The following SND1 variants were observed in gnomAD, a reference collection of about 807,000 sequenced individuals.
SND1 encodes the protein staphylococcal nuclease and tudor domain containing 1, also known as staphylococcal nuclease domain-containing protein 1.
A neutral mutation model predicts 121.7 loss-of-function variants in SND1; 38 were observed. The observed-to-expected ratio is 0.31, with a 90% CI of 0.24 to 0.41. The LOEUF (loss-of-function observed/expected upper bound fraction) is 0.41, where lower values mean the gene tolerates loss of function less well. Ranked by LOEUF, SND1 falls within the 10% of genes least tolerant of loss-of-function variation. The pLI is 1.00. For synonymous variants in SND1, 401 were observed against 447.4 expected (o/e 0.90, Z 1.31); for missense variants, 868 against 1,184.6 (o/e 0.73, Z 3.92).
intron 16 of SND1, among the ~76,000 whole-genome samples, chr7:128,063,077 G>C (rs1442407292): frequency 2.0e-5 from 3 of 152,130 alleles, no homozygotes; most frequent in Non-Finnish European, 2.9e-5. Context: ...GGCATCTGTG[G>C]CCTCACCCCA....
At chr7:128,008,193 A>T (rs1297261826) in intron 16 of SND1, 2 of 152,234 alleles carry the variant, frequency 1.3e-5, no homozygotes, top group Admixed American at 1.3e-4. Context: ...TGAGAAAAGG[A>T]TGGGAGCCTA....
intron 16 of SND1, among the ~76,000 whole-genome samples, chr7:128,033,709 C>T (rs974408982): frequency 6.6e-6 from 1 of 152,188 alleles, no homozygotes; most frequent in African/African-American, 2.4e-5. Flanking sequence ...GTTTATTGAA[C>T]CCTTACTCTG....
chr7:127,946,230 G>C (rs902158913), intron 15 of SND1, among the ~76,000 whole-genome samples: 1 of 152,176 alleles, frequency 6.6e-6, no homozygotes, highest in Admixed American at 6.5e-5. Context: ...TCTAAGATGA[G>C]AGCATGGCTA....
intron 7 of SND1, 72 bp downstream of exon 7, chr7:127,703,395 C>A: frequency 6.6e-7 from 1 of 1,522,988 alleles, no homozygotes; most frequent in Non-Finnish European, 9.0e-7. Context: ...TAGGGGTTTG[C>A]TTCTCTTTCT....
chr7:127,955,879 A>G (rs769291640), intron 15 of SND1, among the ~76,000 whole-genome samples: 1 of 152,174 alleles, frequency 6.6e-6, no homozygotes, highest in Non-Finnish European at 1.5e-5. Context: ...CATGGCCTTC[A>G]TGATCTATAC....
At chr7:127,797,606 A>C (rs1215962895) in intron 10 of SND1, among the ~76,000 whole-genome samples, 1 of 152,218 alleles carries the variant, frequency 6.6e-6, no homozygotes, top group Non-Finnish European at 1.5e-5. Context: ...TGCACAGGGA[A>C]AGGAAGATGG....
intron 15 of SND1, among the ~76,000 whole-genome samples, chr7:127,985,702 T>G (rs1802372000): frequency 6.6e-6 from 1 of 152,224 alleles, no homozygotes; most frequent in African/African-American, 2.4e-5. Flanking sequence ...CATCATTGAA[T>G]CCTCATCTTC....
intron 16 of SND1, among the ~76,000 whole-genome samples, chr7:128,049,262 C>T (rs966380435): frequency 6.6e-6 from 1 of 152,112 alleles, no homozygotes; most frequent in Non-Finnish European, 1.5e-5. Context: ...GGACTTGATC[C>T]ACTCTGTCAA....
At chr7:127,916,652 A>C (rs1800586548) in intron 14 of SND1, among the ~76,000 whole-genome samples, 1 of 152,194 alleles carries the variant, frequency 6.6e-6, no homozygotes, top group Non-Finnish European at 1.5e-5. Context: ...TGTCGGAGAT[A>C]AATCAGGTGA....
At chr7:127,733,773 G>A (rs909468753) in intron 10 of SND1, among the ~76,000 whole-genome samples, 2 of 152,076 alleles carry the variant, frequency 1.3e-5, no homozygotes, top group Admixed American at 6.5e-5. Flanking sequence ...TGTATTTGGG[G>A]CCTGCCACTG....
chr7:127,891,409 C>A (rs1800006701), intron 13 of SND1, among the ~76,000 whole-genome samples: 1 of 152,064 alleles, frequency 6.6e-6, no homozygotes, highest in South Asian at 2.1e-4. Flanking sequence ...GTTTGAAGCA[C>A]CTCGTTCTCC....
At chr7:127,808,819 A>G (rs777491118) in intron 11 of SND1, among the ~76,000 whole-genome samples, 15 of 152,312 alleles carry the variant, frequency 9.8e-5, no homozygotes, top group Non-Finnish European at 1.3e-4. Context: ...TGACATCTCT[A>G]TTACACCAAG....
chr7:128,042,357 C>T (rs1285992345), intron 16 of SND1: 1 of 152,230 alleles, frequency 6.6e-6, no homozygotes, highest in African/African-American at 2.4e-5. Context: ...CCAGATAACA[C>T]TGAGCAACTT....
chr7:128,083,580 G>C (rs1793641549), intron 18 of SND1, among the ~76,000 whole-genome samples: 1 of 152,240 alleles, frequency 6.6e-6, no homozygotes, highest in African/African-American at 2.4e-5. Context: ...ATTCTACCAG[G>C]CTTTGTGCAA....
intron 12 of SND1, among the ~76,000 whole-genome samples, chr7:127,887,386 A>T (rs1799931127): frequency 6.6e-6 from 1 of 152,078 alleles, no homozygotes; most frequent in Non-Finnish European, 1.5e-5. Context: ...TGGGTAGAAG[A>T]TCTACTCTCA....
At chr7:127,832,478 T>TG (rs749854073) in intron 11 of SND1, among the ~76,000 whole-genome samples, 2 of 152,196 alleles carry the variant, frequency 1.3e-5, no homozygotes, top group Non-Finnish European at 2.9e-5. Flanking sequence ...TAGATAAAGG[T>TG]GGGAAAATGA....
chr7:127,962,198 G>A (rs1254690470), intron 15 of SND1, among the ~76,000 whole-genome samples: 1 of 152,138 alleles, frequency 6.6e-6, no homozygotes, highest in African/African-American at 2.4e-5. Flanking sequence ...TGTGCTGGAA[G>A]GAAGATGGGG....
intron 16 of SND1, among the ~76,000 whole-genome samples, chr7:128,016,331 C>T (rs1803224493): frequency 6.6e-6 from 1 of 151,898 alleles, no homozygotes; most frequent in South Asian, 2.1e-4. Context: ...ATATTATGGA[C>T]TTTCTATACA....
In SND1 at chr7:127,701,163, T is replaced by G; in HGVS notation, c.429T>G (p.Asn143Lys). ...ATRREGMRAN[N>K]PEQNRLSECE... ...CTCTTGTTTATTTTTTATGTCCCAGTCCTGAGCAGAACCGGCTTTCAGAAT... is the reference window on the plus strand; with the variant it reads ...CTCTTGTTTATTTTTTATGTCCCAGGCCTGAGCAGAACCGGCTTTCAGAAT... Residue 143 changes from asparagine to lysine, a missense_variant and splice_region_variant, in exon 5 of 24, where the codon AAT becomes AAG. Asn to Lys is a moderately conservative substitution (Grantham distance 94, BLOSUM62 0). Coordinates refer to ENST00000354725, the MANE Select transcript of SND1 (RefSeq NM_014390.4). The G allele has an allele frequency of 6.2e-7, 1 of 1,613,910 alleles. No homozygotes were observed. Among genetic ancestry groups the G allele is most frequent in the Non-Finnish European group, 8.5e-7 (1 of 1,179,898 alleles).
Sources: allele counts gnomAD v4.1 joint callset (sites outside exome capture counted in the v4.1 genomes callset), GRCh38; gene constraint gnomAD v4.1.1; transcripts MANE v1.5; gene names NCBI Gene and HGNC (gene_info 2026-07-23, HGNC 2026-07-21).